Variants in ANO2 observed in about 807,000 individuals in gnomAD.
The protein encoded by ANO2 is anoctamin-2.
ANO2 carries 101 observed loss-of-function variants against 124.2 expected under a neutral mutation model. The ratio of observed to expected loss-of-function variants is 0.81; its 90% CI spans 0.69 to 0.96. The LOEUF is 0.96. Ranked by LOEUF, ANO2 falls within the 40% of genes least tolerant of loss-of-function variation. ANO2 has a pLI of 0.00. For synonymous variants in ANO2, 486 were observed against 482.5 expected (o/e 1.01, Z -0.09); for missense variants, 1,293 against 1,274.5 (o/e 1.01, Z -0.22).
chr12:5,628,320 G>A (rs988799531), intron 16 of ANO2, among the ~76,000 whole-genome samples: 7 of 152,104 alleles, frequency 4.6e-5, no homozygotes, highest in Non-Finnish European at 4.4e-5. Context: ...AGAAATACTC[G>A]ACCTCTTGTC....
intron 7 of ANO2, among the ~76,000 whole-genome samples, chr12:5,817,662 G>GA (rs747264867): frequency 3.9e-5 from 6 of 152,080 alleles, no homozygotes; most frequent in South Asian, 2.1e-4. Context: ...CAAAGACAGA[G>GA]AAAAAAGTGG....
At chr12:5,603,124 G>C (rs947087873) in intron 19 of ANO2, among the ~76,000 whole-genome samples, 1 of 152,172 alleles carries the variant, frequency 6.6e-6, no homozygotes, top group Non-Finnish European at 1.5e-5. Flanking sequence ...AGGTATTGAA[G>C]CAACTCAGCT....
intron 1 of ANO2, among the ~76,000 whole-genome samples, chr12:5,940,289 C>T (rs910044894): frequency 6.6e-6 from 1 of 152,242 alleles, no homozygotes; most frequent in Non-Finnish European, 1.5e-5. Context: ...AAGTTAACTA[C>T]ATTTAGCAAA....
intron 3 of ANO2, among the ~76,000 whole-genome samples, chr12:5,859,176 C>T (rs935772198): frequency 1.3e-5 from 2 of 152,200 alleles, no homozygotes; most frequent in Admixed American, 6.5e-5. Context: ...ACTAAAACTT[C>T]AGTTCGTGTA....
At chr12:5,773,288 C>T (rs1246447686) in intron 10 of ANO2, among the ~76,000 whole-genome samples, 1 of 152,210 alleles carries the variant, frequency 6.6e-6, no homozygotes, top group Non-Finnish European at 1.5e-5. Flanking sequence ...CATGTCACCT[C>T]TTCCTTGCCA....
At chr12:5,584,461 T>C (rs536757255) in intron 20 of ANO2, among the ~76,000 whole-genome samples, 9 of 152,218 alleles carry the variant, frequency 5.9e-5, no homozygotes, top group Non-Finnish European at 1.3e-4. Flanking sequence ...CTCCTTCTTA[T>C]GAGCCATTAA....
Position 5,895,456 on chromosome 12 carries a change from A to G in ANO2, c.534+25584T>C, listed in dbSNP as rs149981106. Among the ~76,000 whole-genome samples, 193 of 152,226 alleles carry G rather than the reference A, an allele frequency of 1.3e-3. 1 individual carries two copies. Among genetic ancestry groups the G allele is most frequent in the African/African-American group, 4.4e-3 (183 of 41,554 alleles). ...TGCAAACAGAGACATACTCCATCAC[A>G]TAAACAGAACCAGTGAAGAAATGAA... On this transcript the variant is annotated intron_variant, in intron 3 of 24. Coordinates refer to ENST00000682330, the MANE Select transcript of ANO2 (RefSeq NM_001364791.2).
At chr12:5,912,887 C>T (rs762914066) in intron 3 of ANO2, among the ~76,000 whole-genome samples, 9 of 152,186 alleles carry the variant, frequency 5.9e-5, no homozygotes, top group East Asian at 1.9e-4. Context: ...AGCATGGCAG[C>T]GTCACGAATA....
At chr12:5,814,425 A>G (rs1953535696) in intron 7 of ANO2, among the ~76,000 whole-genome samples, 1 of 152,254 alleles carries the variant, frequency 6.6e-6, no homozygotes, top group South Asian at 2.1e-4. Flanking sequence ...TCTCACAGCC[A>G]TGTGGCTTGC....
chr12:5,862,484 C>T lies in ANO2; in HGVS notation c.535-8343G>A, dbSNP rs55878602. Among the ~76,000 whole-genome samples, 2,635 of 152,268 alleles carry T rather than the reference C, an allele frequency of 0.017. 69 individuals are homozygous for T. The highest frequency in any genetic ancestry group is 0.056 in the African/African-American group (2,331 of 41,536). The stretch of plus-strand genomic sequence containing the variant: ...TCTCTGGACCTATCACCACAGTCTC[C>T]ACTCCGTGTATCACACATCATTGCA... On this transcript the variant is annotated intron_variant, in intron 3 of 24. Coordinates refer to ENST00000682330, the MANE Select transcript of ANO2 (RefSeq NM_001364791.2). This position sits in a 1 kb window ranked among gnomAD's most constrained non-coding sequence, Gnocchi z 4.0.
intron 3 of ANO2, among the ~76,000 whole-genome samples, chr12:5,868,973 C>A (rs1955502914): frequency 6.6e-6 from 1 of 152,126 alleles, no homozygotes; most frequent in African/African-American, 2.4e-5. Context: ...GGAACTCCAA[C>A]TGTGGGGAAT....
intron 16 of ANO2, among the ~76,000 whole-genome samples, chr12:5,625,292 G>C (rs1945340514): frequency 6.6e-6 from 1 of 152,066 alleles, no homozygotes; most frequent in Non-Finnish European, 1.5e-5. Flanking sequence ...GATGAAACTT[G>C]TGAAAAATGG....
intron 10 of ANO2, among the ~76,000 whole-genome samples, chr12:5,791,006 G>A (rs917637971): frequency 5.3e-5 from 8 of 152,122 alleles, no homozygotes; most frequent in African/African-American, 1.2e-4. Flanking sequence ...TAGTCCCATC[G>A]CTGAGGCCCC....
At chr12:5,683,688 C>T (rs549033272) in intron 14 of ANO2, among the ~76,000 whole-genome samples, 11 of 152,034 alleles carry the variant, frequency 7.2e-5, no homozygotes, top group Non-Finnish European at 1.0e-4. Context: ...TTAGAGGAAA[C>T]CTGGTGCTGA....
intron 14 of ANO2, among the ~76,000 whole-genome samples, chr12:5,656,437 C>T (rs1164364215): frequency 6.6e-6 from 1 of 151,772 alleles, no homozygotes; most frequent in Admixed American, 6.6e-5. Context: ...CAGAGGCATT[C>T]CCTTGGGTTA....
intron 3 of ANO2, among the ~76,000 whole-genome samples, chr12:5,898,820 T>C (rs1245376125): frequency 6.6e-6 from 1 of 152,226 alleles, no homozygotes; most frequent in African/African-American, 2.4e-5. Context: ...GCAGTTCCTC[T>C]AGTTTGTCCA....
chr12:5,580,898 C>T (rs543246382), intron 20 of ANO2, among the ~76,000 whole-genome samples: 5 of 152,038 alleles, frequency 3.3e-5, no homozygotes, highest in South Asian at 2.1e-4. Flanking sequence ...ACACCTGCAC[C>T]GAAATACACA....
intron 3 of ANO2, among the ~76,000 whole-genome samples, chr12:5,884,072 G>A (rs1447647956): frequency 6.6e-6 from 1 of 152,176 alleles, no homozygotes; most frequent in Non-Finnish European, 1.5e-5. Flanking sequence ...CCTATAGAGG[G>A]ACAGTCTTCC....
At chr12:5,639,490 T>G (rs10849308) in intron 15 of ANO2, among the ~76,000 whole-genome samples, 1 of 152,134 alleles carries the variant, frequency 6.6e-6, no homozygotes, top group South Asian at 2.1e-4. Flanking sequence ...AGTAGTACCT[T>G]CAGCACGAGA....
Sources: gnomAD v4.1 joint callset for allele counts (sites outside exome capture counted in the v4.1 genomes callset) on GRCh38, gnomAD v4.1.1 for gene constraint, Gnocchi (gnomAD v3.1) non-coding constraint, MANE v1.5 for transcripts, NCBI Gene and HGNC (gene_info 2026-07-23, HGNC 2026-07-21) for gene names.